Variants in PTPRD observed in about 807,000 individuals in gnomAD.
PTPRD encodes the protein receptor-type tyrosine-protein phosphatase delta.
Under a neutral mutation model 214.5 loss-of-function variants are expected in PTPRD, and 34 were observed. The observed-to-expected ratio is 0.16, with a 90% CI of 0.12 to 0.21. The LOEUF is 0.21. Ranked by LOEUF, PTPRD falls within the 10% of genes least tolerant of loss-of-function variation. The probability of loss-of-function intolerance (pLI) is 1.00; values close to 1 mark genes in which losing one functional copy is unlikely to be tolerated. For missense variants in PTPRD, 2,545 were observed against 2,398.7 expected, an observed-to-expected ratio of 1.06 and a Z score of -1.27; for synonymous variants, 1,128 against 845.7, an observed-to-expected ratio of 1.33 and a Z score of -5.79.
intron 10 of PTPRD, among the ~76,000 whole-genome samples, chr9:9,120,549 T>A (rs1045173516): frequency 3.3e-5 from 5 of 152,226 alleles, no homozygotes; most frequent in African/African-American, 1.2e-4. Context: ...TCTTTAGATT[T>A]AGTCAAACAT....
chr9:9,242,303 G>C (rs1486165264), intron 9 of PTPRD, among the ~76,000 whole-genome samples: 1 of 152,076 alleles, frequency 6.6e-6, no homozygotes, highest in Non-Finnish European at 1.5e-5. Flanking sequence ...CAACTTTGGT[G>C]AATCTGACAA....
intron 2 of PTPRD, among the ~76,000 whole-genome samples, chr9:10,505,318 T>A (rs1296428122): frequency 6.6e-6 from 1 of 152,172 alleles, no homozygotes; most frequent in African/African-American, 2.4e-5. Flanking sequence ...TAGGTCTCAT[T>A]ATATATGATA....
At chr9:9,488,701 C>T (rs955981851) in intron 8 of PTPRD, among the ~76,000 whole-genome samples, 1 of 152,182 alleles carries the variant, frequency 6.6e-6, no homozygotes, top group Admixed American at 6.5e-5. Flanking sequence ...CATTTTGGAA[C>T]TCTGCTGTCT....
intron 8 of PTPRD, among the ~76,000 whole-genome samples, chr9:9,507,499 A>G (rs965454886): frequency 6.6e-6 from 1 of 151,418 alleles, no homozygotes; most frequent in Non-Finnish European, 1.5e-5. Context: ...AAGACAAGAT[A>G]AAATGAATTA....
chr9:8,678,818 A>C (rs2097490794), intron 12 of PTPRD, among the ~76,000 whole-genome samples: 1 of 152,194 alleles, frequency 6.6e-6, no homozygotes, highest in South Asian at 2.1e-4. Flanking sequence ...AATAACATAA[A>C]ATTGATGGCA....
At chr9:10,139,364 G>C (rs1055090139) in intron 3 of PTPRD, among the ~76,000 whole-genome samples, 1 of 151,784 alleles carries the variant, frequency 6.6e-6, no homozygotes, top group Admixed American at 6.6e-5. Flanking sequence ...AAACACTGCT[G>C]AATAAAATCA....
chr9:8,435,904 G>C (rs925165867), intron 35 of PTPRD, among the ~76,000 whole-genome samples: 1 of 152,170 alleles, frequency 6.6e-6, no homozygotes, highest in Non-Finnish European at 1.5e-5. Context: ...AATTTAGATT[G>C]AAGGATAAGA....
chr9:10,117,913 T>C (rs1591602546), intron 3 of PTPRD, among the ~76,000 whole-genome samples: 1 of 152,072 alleles, frequency 6.6e-6, no homozygotes, highest in African/African-American at 2.4e-5. Context: ...GATCTTCTAA[T>C]TGATTTTAAG....
intron 9 of PTPRD, among the ~76,000 whole-genome samples, chr9:9,390,838 GA>G (rs2065569523): frequency 6.6e-6 from 1 of 152,164 alleles, no homozygotes; most frequent in South Asian, 2.1e-4. Flanking sequence ...CCTCATCTGT[GA>G]AATTCAGTAA....
In PTPRD at chr9:9,361,652, T is replaced by C. The variant is rs754630947; in HGVS notation, c.-203+35797A>G. ...TATCTTTTCTTCATGCTAGAAAGAT[T>C]TGAATTATTCTCCTCTAGCTATTTT... On this transcript the variant is annotated intron_variant, in intron 9 of 45. Transcript: ENST00000381196. Among the ~76,000 whole-genome samples, 4 of 151,182 alleles carry C rather than the reference T, an allele frequency of 2.6e-5. No homozygotes were observed. The South Asian group carries it at 8.3e-4, about 31-fold the overall frequency.
intron 3 of PTPRD, among the ~76,000 whole-genome samples, chr9:10,267,950 T>G (rs1329962628): frequency 1.3e-5 from 2 of 151,924 alleles, no homozygotes; most frequent in Non-Finnish European, 2.9e-5. Context: ...TAGAGAAAAT[T>G]TTGTCAAAAT....
intron 23 of PTPRD, among the ~76,000 whole-genome samples, chr9:8,501,280 A>G (rs998813691): frequency 3.2e-4 from 48 of 152,214 alleles, no homozygotes; most frequent in African/African-American, 1.2e-3. Context: ...ATAATTGTTA[A>G]ATAATGGGTA....
intron 11 of PTPRD, among the ~76,000 whole-genome samples, chr9:8,819,043 A>G (rs2096984425): frequency 1.3e-5 from 2 of 152,214 alleles, no homozygotes; most frequent in Admixed American, 1.3e-4. Context: ...AAAGGCATAA[A>G]ATGCTAGAAA....
intron 9 of PTPRD, among the ~76,000 whole-genome samples, chr9:9,338,966 G>C (rs755521365): frequency 2.0e-5 from 3 of 151,994 alleles, no homozygotes; most frequent in Non-Finnish European, 4.4e-5. Context: ...GAGAAAAATC[G>C]CAAGATTCCT....
chr9:9,882,577 G>C (rs2153742648), intron 5 of PTPRD, among the ~76,000 whole-genome samples: 1 of 152,176 alleles, frequency 6.6e-6, no homozygotes, highest in African/African-American at 2.4e-5. Context: ...GAAAGAATGA[G>C]GTTTTTCTTG....
chr9:9,095,630 G>C (rs2099782370), intron 10 of PTPRD, among the ~76,000 whole-genome samples: 1 of 152,090 alleles, frequency 6.6e-6, no homozygotes, highest in African/African-American at 2.4e-5. Flanking sequence ...ACCTGGTTTG[G>C]ACAGTCTTTA....
intron 9 of PTPRD, among the ~76,000 whole-genome samples, chr9:9,304,829 C>T (rs1956605168): frequency 6.6e-6 from 1 of 151,080 alleles, no homozygotes; most frequent in South Asian, 2.1e-4. Context: ...GTTTAATCTC[C>T]ACCCTCCAAC....
intron 2 of PTPRD, among the ~76,000 whole-genome samples, chr9:10,401,310 T>C (rs1250051353): frequency 6.6e-6 from 1 of 151,536 alleles, no homozygotes; most frequent in African/African-American, 2.4e-5. Context: ...AGGTTCTGTC[T>C]TGCCTGAAGT....
intron 39 of PTPRD, among the ~76,000 whole-genome samples, chr9:8,374,379 G>C (rs1470427479): frequency 6.6e-6 from 1 of 151,866 alleles, no homozygotes; most frequent in East Asian, 1.9e-4. Flanking sequence ...GATCAAACTA[G>C]CACCTGAATT....
Sources: gnomAD v4.1 joint callset for allele counts (sites outside exome capture counted in the v4.1 genomes callset) on GRCh38, gnomAD v4.1.1 for gene constraint, MANE v1.5 for transcripts, NCBI Gene and HGNC (gene_info 2026-07-23, HGNC 2026-07-21) for gene names.